Variants in SMYD3 observed in about 807,000 individuals in gnomAD.
SMYD3 encodes SET and MYND domain containing 3.
In SMYD3, 36 loss-of-function variants were observed where a neutral mutation model predicts 57.7. The ratio of observed to expected loss-of-function variants is 0.62; its 90% CI spans 0.48 to 0.82. The LOEUF is 0.82. Among genes scored for constraint, SMYD3 ranks in the 40% least tolerant of loss-of-function variants. SMYD3 has a pLI of 0.00. For missense variants in SMYD3, 515 were observed against 538.8 expected (o/e 0.96, Z 0.44); for synonymous variants, 211 against 195.0 (o/e 1.08, Z -0.68).
chr1:246,159,324 G>T (rs908360988), intron 5 of SMYD3, among the ~76,000 whole-genome samples: 2 of 151,880 alleles, frequency 1.3e-5, no homozygotes, highest in African/African-American at 4.8e-5. Context: ...TAGCTCACCG[G>T]GGGCTGCTCT....
chr1:246,295,884 C>CA (rs1471186577), intron 5 of SMYD3, among the ~76,000 whole-genome samples: 1 of 152,112 alleles, frequency 6.6e-6, no homozygotes, highest in African/African-American at 2.4e-5. Flanking sequence ...AGAAGGAGAA[C>CA]AAAATCAATC....
intron 8 of SMYD3, among the ~76,000 whole-genome samples, chr1:245,884,319 A>G (rs1443382132): frequency 6.6e-6 from 1 of 152,172 alleles, no homozygotes. Context: ...GCAGACACAC[A>G]AAGTGATTTT....
chr1:246,077,120 C>G (rs1322231068), intron 5 of SMYD3, among the ~76,000 whole-genome samples: 2 of 152,114 alleles, frequency 1.3e-5, no homozygotes, highest in Non-Finnish European at 2.9e-5. Flanking sequence ...CTGGAGCATA[C>G]AGGCTACACT....
chr1:245,928,829 G>A (rs1263214216), intron 6 of SMYD3, among the ~76,000 whole-genome samples: 1 of 152,196 alleles, frequency 6.6e-6, no homozygotes, highest in Non-Finnish European at 1.5e-5. Flanking sequence ...CTCTTAAATA[G>A]AGAGCTGACG....
At chr1:245,771,983 T>A (rs538321920) in intron 10 of SMYD3, among the ~76,000 whole-genome samples, 1 of 152,312 alleles carries the variant, frequency 6.6e-6, no homozygotes, top group Non-Finnish European at 1.5e-5. Flanking sequence ...AGGTGCTGTT[T>A]CCCAAGTGGG....
chr1:246,142,759 A>AG (rs1027504743), intron 5 of SMYD3, among the ~76,000 whole-genome samples: 1 of 152,206 alleles, frequency 6.6e-6, no homozygotes, highest in African/African-American at 2.4e-5. Context: ...ACCTCAGATA[A>AG]GGGGGGCACT....
At chr1:246,009,584 T>C (rs2059241080) in intron 5 of SMYD3, among the ~76,000 whole-genome samples, 1 of 82,072 alleles carries the variant, frequency 1.2e-5, no homozygotes, top group Non-Finnish European at 2.4e-5. Flanking sequence ...ATATATCATA[T>C]AGTGGAAAGA....
At chr1:246,069,397 T>C (rs1228972836) in intron 5 of SMYD3, among the ~76,000 whole-genome samples, 3 of 152,166 alleles carry the variant, frequency 2.0e-5, no homozygotes, top group Non-Finnish European at 2.9e-5. Flanking sequence ...AATACTGCCA[T>C]GGTAATGACG....
At chr1:246,364,157 A>G (rs548639764) in intron 1 of SMYD3, among the ~76,000 whole-genome samples, 17 of 151,902 alleles carry the variant, frequency 1.1e-4, no homozygotes, top group Admixed American at 3.9e-4. Flanking sequence ...TTTTAGTCCC[A>G]TAAGACTCAT....
At chr1:246,285,606 C>T (rs1185752713) in intron 5 of SMYD3, among the ~76,000 whole-genome samples, 3 of 151,900 alleles carry the variant, frequency 2.0e-5, no homozygotes, top group Non-Finnish European at 4.4e-5. Flanking sequence ...GACCAAGAAC[C>T]CAAAAGCAAA....
At chr1:246,413,200 G>A (rs2067005061) in intron 1 of SMYD3, among the ~76,000 whole-genome samples, 1 of 152,150 alleles carries the variant, frequency 6.6e-6, no homozygotes, top group Admixed American at 6.5e-5. Flanking sequence ...TATGACGTAG[G>A]TACCAAATTT....
chr1:246,286,996 G>A (rs553407445), intron 5 of SMYD3, among the ~76,000 whole-genome samples: 10 of 151,128 alleles, frequency 6.6e-5, no homozygotes, highest in South Asian at 2.1e-4. Context: ...TCAGCCTCCC[G>A]AGTAGCTGGG....
chr1:245,933,805 A>G (rs2056855926), intron 5 of SMYD3, among the ~76,000 whole-genome samples: 1 of 152,210 alleles, frequency 6.6e-6, no homozygotes, highest in Non-Finnish European at 1.5e-5. Context: ...AGTTAAACTG[A>G]GATATTTGCA....
intron 5 of SMYD3, among the ~76,000 whole-genome samples, chr1:246,195,213 G>A (rs1309667750): frequency 6.6e-6 from 1 of 152,114 alleles, no homozygotes; most frequent in Non-Finnish European, 1.5e-5. Context: ...GGTTTTGCTT[G>A]CCCAGGAAAT....
At chr1:245,882,524 G>A (rs1164005671) in intron 8 of SMYD3, among the ~76,000 whole-genome samples, 3 of 152,108 alleles carry the variant, frequency 2.0e-5, no homozygotes, top group Non-Finnish European at 4.4e-5. Context: ...GGGGTGAGGG[G>A]TGTTGAGAGG....
At chr1:246,496,987 G>A (rs1191897560) in intron 1 of SMYD3, among the ~76,000 whole-genome samples, 1 of 152,160 alleles carries the variant, frequency 6.6e-6, no homozygotes, top group Non-Finnish European at 1.5e-5. Context: ...ACTAGTAATG[G>A]CTCTGTCCAT....
intron 5 of SMYD3, among the ~76,000 whole-genome samples, chr1:246,285,049 T>A (rs991702560): frequency 2.6e-5 from 4 of 152,076 alleles, no homozygotes; most frequent in Non-Finnish European, 5.9e-5. Context: ...TTTGCGAGAT[T>A]TTGATGCACC....
In SMYD3 at chr1:245,775,192, G is replaced by A. The variant is rs529727416; in HGVS notation, c.1077-11043C>T. Among the ~76,000 whole-genome samples the A allele has an allele frequency of 1.8e-4, 27 of 152,280 alleles. No homozygotes were observed. In the South Asian group the frequency reaches 5.2e-3, roughly 29 times the overall value. ...CAAGAGGTGGGGGACACCCCCACCC[G>A]GCCAGCCGCCCTGTCCGGGAGGTGT... On this transcript the variant is annotated intron_variant, in intron 10 of 11. Transcript: ENST00000490107.
chr1:246,404,627 T>C (rs1239304011), intron 1 of SMYD3, among the ~76,000 whole-genome samples: 1 of 152,186 alleles, frequency 6.6e-6, no homozygotes, highest in East Asian at 1.9e-4. Flanking sequence ...AGAAAGCCCC[T>C]GCAAGCACTT....
Sources: gnomAD v4.1 joint callset for allele counts (sites outside exome capture counted in the v4.1 genomes callset) on GRCh38, gnomAD v4.1.1 for gene constraint, MANE v1.5 for transcripts, NCBI Gene and HGNC (gene_info 2026-07-23, HGNC 2026-07-21) for gene names.